The following TNIK variants were observed in gnomAD, a reference collection of about 807,000 sequenced individuals.
TNIK encodes TRAF2 and NCK interacting kinase, also known as TRAF2 and NCK-interacting protein kinase.
TNIK carries 49 observed loss-of-function variants against 191.3 expected under a neutral mutation model. The ratio of observed to expected loss-of-function variants is 0.26; its 90% CI spans 0.20 to 0.32. The LOEUF (loss-of-function observed/expected upper bound fraction) is 0.32. Ranked by LOEUF, TNIK falls within the 10% of genes least tolerant of loss-of-function variation. The probability of loss-of-function intolerance (pLI) is 1.00; values close to 1 mark genes in which losing one functional copy is unlikely to be tolerated. For synonymous variants in TNIK, 594 were observed against 600.9 expected, an observed-to-expected ratio of 0.99 and a Z score of 0.17; for missense variants, 1,155 against 1,702.3, an observed-to-expected ratio of 0.68 and a Z score of 5.66.
At chr3:171,218,477 A>G (rs550557721) in intron 3 of TNIK, among the ~76,000 whole-genome samples, 26 of 152,038 alleles carry the variant, frequency 1.7e-4, no homozygotes, top group Non-Finnish European at 3.8e-4. Flanking sequence ...TTATATCTTC[A>G]AGGATCCTAG....
intron 11 of TNIK, among the ~76,000 whole-genome samples, chr3:171,158,670 G>C (rs1733553528): frequency 1.3e-5 from 2 of 152,228 alleles, no homozygotes; most frequent in African/African-American, 4.8e-5. Flanking sequence ...GCAGTTGCTA[G>C]ATAAATTCTC....
At chr3:171,339,927 C>A (rs764255248) in intron 2 of TNIK, among the ~76,000 whole-genome samples, 2 of 152,070 alleles carry the variant, frequency 1.3e-5, no homozygotes, top group Non-Finnish European at 2.9e-5. Context: ...TTGGTTTGAG[C>A]CTAGTTATAT....
rs376441716 is a variant in TNIK at position 171,060,698 on chromosome 3, G to A, written c.*3183C>T. On this transcript the variant is annotated 3_prime_UTR_variant, in exon 33 of 33. Transcript: ENST00000436636. ...GTGGTCTGGCTGGAACTGGCAGGGG[G>A]AAGAGCCTCATTATTTGAAGGAACT... Among the ~76,000 whole-genome samples the A allele has an allele frequency of 6.6e-6, 1 of 152,102 alleles. No individual in the cohort carries two copies. Among genetic ancestry groups the A allele is most frequent in the African/African-American group, 2.4e-5 (1 of 41,416 alleles).
At chr3:171,338,538 G>A (rs1471437960) in intron 2 of TNIK, among the ~76,000 whole-genome samples, 1 of 152,108 alleles carries the variant, frequency 6.6e-6, no homozygotes, top group Non-Finnish European at 1.5e-5. Context: ...GCCCAGGCTG[G>A]AGTACAGTGG....
intron 2 of TNIK, among the ~76,000 whole-genome samples, chr3:171,318,879 A>G (rs1754905314): frequency 6.6e-6 from 1 of 152,148 alleles, no homozygotes; most frequent in Non-Finnish European, 1.5e-5. Flanking sequence ...TAAAAATTAC[A>G]TGCCGGCCAG....
At chr3:171,387,768 AC>A (rs1421333637) in intron 1 of TNIK, among the ~76,000 whole-genome samples, 5 of 152,194 alleles carry the variant, frequency 3.3e-5, no homozygotes, top group Non-Finnish European at 7.3e-5. Context: ...TGAATTTCAA[AC>A]CACTAGGAGT....
At chr3:171,416,407 A>T (rs1723098010) in intron 1 of TNIK, among the ~76,000 whole-genome samples, 1 of 152,082 alleles carries the variant, frequency 6.6e-6, no homozygotes, top group African/African-American at 2.4e-5. Context: ...CAAAAATGTT[A>T]GTATCGGGAA....
intron 22 of TNIK, among the ~76,000 whole-genome samples, chr3:171,095,374 A>G (rs1722580077): frequency 6.6e-6 from 1 of 152,216 alleles, no homozygotes; most frequent in African/African-American, 2.4e-5. Context: ...GGTTGGTACA[A>G]CATGGCTTCT....
intron 2 of TNIK, among the ~76,000 whole-genome samples, chr3:171,282,933 G>A (rs1750628807): frequency 2.0e-5 from 3 of 152,268 alleles, no homozygotes; most frequent in African/African-American, 7.2e-5. Flanking sequence ...GCAGAATGAT[G>A]TAGGAGGGCT....
At chr3:171,351,993 CT>C (rs1713286522) in intron 2 of TNIK, among the ~76,000 whole-genome samples, 1 of 152,192 alleles carries the variant, frequency 6.6e-6, no homozygotes. Flanking sequence ...ATGGCCTAAT[CT>C]CATGCTTCCC....
intron 4 of TNIK, among the ~76,000 whole-genome samples, chr3:171,205,108 C>G (rs774051191): frequency 2.0e-5 from 3 of 152,070 alleles, no homozygotes; most frequent in Non-Finnish European, 4.4e-5. Flanking sequence ...AGAGAATGCC[C>G]CAAATTTAGT....
chr3:171,137,108 C>CTTTTTTTTTTTTTTTTTTTTTT (rs71176593), intron 15 of TNIK, among the ~76,000 whole-genome samples: 2 of 104,162 alleles, frequency 1.9e-5, no homozygotes, highest in South Asian at 3.8e-4. Context: ...TTTAAAAATC[C>CTTTTTTTTTTTTTTTTTTTTTT]TTTTTTTTTT....
At chr3:171,290,558 A>T (rs1751572072) in intron 2 of TNIK, among the ~76,000 whole-genome samples, 1 of 152,244 alleles carries the variant, frequency 6.6e-6, no homozygotes, top group Non-Finnish European at 1.5e-5. Flanking sequence ...AAAATCAAAT[A>T]TGCTGAACAT....
At chr3:171,251,077 T>C (rs1011144237) in intron 2 of TNIK, among the ~76,000 whole-genome samples, 2 of 152,116 alleles carry the variant, frequency 1.3e-5, no homozygotes, top group Admixed American at 1.3e-4. Context: ...CAACAAAAGG[T>C]ATCATGTACA....
intron 2 of TNIK, among the ~76,000 whole-genome samples, chr3:171,243,177 C>T (rs56294888): frequency 0.25 from 37,896 of 151,982 alleles, 5,431 homozygotes; most frequent in South Asian, 0.4. Flanking sequence ...TGAGTTCTTT[C>T]GAACTCCACT....
chr3:171,343,404 A>G (rs1483967110), intron 2 of TNIK, among the ~76,000 whole-genome samples: 1 of 152,168 alleles, frequency 6.6e-6, no homozygotes, highest in Non-Finnish European at 1.5e-5. Flanking sequence ...ACAAAACACC[A>G]AGGCTCCCTG....
intron 2 of TNIK, among the ~76,000 whole-genome samples, chr3:171,257,409 A>T (rs575285205): frequency 1.3e-5 from 2 of 152,350 alleles, no homozygotes; most frequent in South Asian, 4.1e-4. Flanking sequence ...CAGTCACCTC[A>T]TCTGAGAATA....
chr3:171,189,482 G>T (rs931524353), intron 6 of TNIK, among the ~76,000 whole-genome samples: 22 of 152,306 alleles, frequency 1.4e-4, no homozygotes, highest in African/African-American at 5.1e-4. Context: ...TTAAAAAAAA[G>T]TAAGCTTGGT....
chr3:171,338,025 C>T (rs959254213), intron 2 of TNIK, among the ~76,000 whole-genome samples: 5 of 152,164 alleles, frequency 3.3e-5, no homozygotes, highest in African/African-American at 4.8e-5. Context: ...GCAGCTTAAT[C>T]GAAACTACGT....
Sources: allele counts gnomAD v4.1 joint callset (sites outside exome capture counted in the v4.1 genomes callset), GRCh38; gene constraint gnomAD v4.1.1; transcripts MANE v1.5; gene names NCBI Gene and HGNC (gene_info 2026-07-23, HGNC 2026-07-21).